Variants in CNTNAP2 observed in about 807,000 individuals in gnomAD.
The protein encoded by CNTNAP2 is contactin associated protein 2.
A neutral mutation model predicts 155.2 loss-of-function variants in CNTNAP2; 98 were observed. That is an observed-to-expected ratio of 0.63 (90% confidence interval 0.54 to 0.75). CNTNAP2 has a LOEUF of 0.75. Ranked by LOEUF, CNTNAP2 falls within the 30% of genes least tolerant of loss-of-function variation. The pLI is 0.00. For missense variants in CNTNAP2, 1,727 were observed against 1,688.1 expected, an observed-to-expected ratio of 1.02 and a Z score of -0.40; for synonymous variants, 651 against 631.2, an observed-to-expected ratio of 1.03 and a Z score of -0.47.
chr7:147,927,571 G>A (rs550352244), intron 14 of CNTNAP2, among the ~76,000 whole-genome samples: 289 of 152,250 alleles, frequency 1.9e-3, no homozygotes, highest in African/African-American at 6.7e-3. Flanking sequence ...CTAGTAAATT[G>A]ACCAATATCT....
chr7:146,588,532 A>T lies in CNTNAP2; in HGVS notation c.98-185739A>T, dbSNP rs200550503. ...TTATTATATGTATTTTTTTTTTTTT[A>T]AATTTACTCTGTCAATCAGGCTGAG... On this transcript the variant is annotated intron_variant, in intron 1 of 23. Transcript: ENST00000361727. Among the ~76,000 whole-genome samples the T allele has an allele frequency of 2.5e-4, 23 of 92,960 alleles. No homozygotes were observed. In the South Asian group the frequency reaches 2.5e-3, roughly 10 times the overall value. 61.0% of individuals were successfully genotyped at this position (92,960 alleles called of 152,430 possible). A position where few individuals can be genotyped will look rare whatever the true frequency, so the allele number is the denominator to read the frequency against.
chr7:146,865,429 T>C (rs2129206127), intron 3 of CNTNAP2, among the ~76,000 whole-genome samples: 1 of 152,254 alleles, frequency 6.6e-6, no homozygotes, highest in East Asian at 1.9e-4. Context: ...ATAAAGATAG[T>C]CTTGTATAGC....
intron 9 of CNTNAP2, among the ~76,000 whole-genome samples, chr7:147,371,897 G>T (rs1351830324): frequency 6.6e-6 from 1 of 152,048 alleles, no homozygotes; most frequent in Non-Finnish European, 1.5e-5. Flanking sequence ...TGGAGGAAAT[G>T]GACAATGGTA....
chr7:146,964,482 T>A (rs1200412567), intron 3 of CNTNAP2, among the ~76,000 whole-genome samples: 1 of 152,194 alleles, frequency 6.6e-6, no homozygotes, highest in Non-Finnish European at 1.5e-5. Flanking sequence ...GATCAATTTG[T>A]TAGCTGCAGT....
chr7:146,716,009 G>A (rs749942684), intron 1 of CNTNAP2, among the ~76,000 whole-genome samples: 5 of 151,968 alleles, frequency 3.3e-5, no homozygotes, highest in South Asian at 4.1e-4. Flanking sequence ...ATGAGCAGCC[G>A]CCATAGGTCA....
rs71527797 is a variant in CNTNAP2, at chr7:146,721,889, A to ATTTTTTTTTTTTT, written c.98-52377_98-52365dup. Reference sequence around the variant, plus strand: ...TGTGTGTGTGTGTATATATATATATATTTTTTTTTTTTTTTTTGAGATGGA... The same window carrying ATTTTTTTTTTTTT: ...TGTGTGTGTGTGTATATATATATATATTTTTTTTTTTTTTTTTTTTTTTTTTTTTTGAGATGGA... On this transcript the variant is annotated intron_variant, in intron 1 of 23. Coordinates refer to ENST00000361727, the MANE Select transcript of CNTNAP2 (RefSeq NM_014141.6). Among the ~76,000 whole-genome samples, 30 of 69,698 alleles carry ATTTTTTTTTTTTT rather than the reference A, an allele frequency of 4.3e-4. 1 individual carries two copies. The highest frequency in any genetic ancestry group is 1.9e-3 in the South Asian group (6 of 3,104). The allele number at this position is 69,698 out of a possible 152,430, so 45.7% of individuals were successfully genotyped here.
chr7:147,632,393 G>A (rs1795102130), intron 12 of CNTNAP2, among the ~76,000 whole-genome samples: 1 of 152,110 alleles, frequency 6.6e-6, no homozygotes, highest in Admixed American at 6.5e-5. Context: ...ATTGGATAAT[G>A]GGGGTGGTTT....
chr7:146,591,725 T>G (rs2129149603), intron 1 of CNTNAP2, among the ~76,000 whole-genome samples: 1 of 152,158 alleles, frequency 6.6e-6, no homozygotes, highest in South Asian at 2.1e-4. Flanking sequence ...TTTATCTTCT[T>G]TGTGTCCATC....
chr7:146,326,354 G>A (rs1801097887), intron 1 of CNTNAP2, among the ~76,000 whole-genome samples: 1 of 152,118 alleles, frequency 6.6e-6, no homozygotes, highest in South Asian at 2.1e-4. Flanking sequence ...ACGAATTAAT[G>A]CATTTCAAAG....
intron 1 of CNTNAP2, among the ~76,000 whole-genome samples, chr7:146,631,505 A>G (rs1209340074): frequency 6.6e-6 from 1 of 152,130 alleles, no homozygotes; most frequent in African/African-American, 2.4e-5. Context: ...ATCCTCTTCC[A>G]TGTGAGAGCC....
intron 10 of CNTNAP2, among the ~76,000 whole-genome samples, chr7:147,404,663 T>C (rs1796974456): frequency 6.6e-6 from 1 of 152,224 alleles, no homozygotes; most frequent in African/African-American, 2.4e-5. Context: ...CCTTCCATGC[T>C]AACTCCAGTC....
chr7:148,256,140 T>C (rs551816637), intron 20 of CNTNAP2, among the ~76,000 whole-genome samples: 261 of 152,246 alleles, frequency 1.7e-3, no homozygotes, highest in African/African-American at 5.5e-3. Context: ...GATCTCAAAA[T>C]GGAAAGTGAG....
chr7:146,653,923 C>T (rs1039823594), intron 1 of CNTNAP2, among the ~76,000 whole-genome samples: 1 of 152,062 alleles, frequency 6.6e-6, no homozygotes, highest in Non-Finnish European at 1.5e-5. Context: ...TTTCCTTGGA[C>T]TCTTTAGTGC....
At chr7:147,808,720 C>T (rs1199777014) in intron 13 of CNTNAP2, among the ~76,000 whole-genome samples, 2 of 152,198 alleles carry the variant, frequency 1.3e-5, no homozygotes, top group Admixed American at 1.3e-4. Context: ...GAAATTCCTT[C>T]TCATCCTTTA....
At chr7:147,330,814 C>T (rs559568754) in intron 9 of CNTNAP2, among the ~76,000 whole-genome samples, 2 of 152,138 alleles carry the variant, frequency 1.3e-5, no homozygotes, top group African/African-American at 2.4e-5. Context: ...TTAGAGGGAT[C>T]GTTATTTTCC....
At chr7:147,720,721 C>T (rs144620481) in intron 13 of CNTNAP2, among the ~76,000 whole-genome samples, 206 of 152,194 alleles carry the variant, frequency 1.4e-3, no homozygotes, top group Non-Finnish European at 1.7e-3. Flanking sequence ...TGCCGCCTTG[C>T]GAAGAAAGTA....
intron 13 of CNTNAP2, among the ~76,000 whole-genome samples, chr7:147,689,972 G>T (rs1272329677): frequency 6.6e-6 from 1 of 150,504 alleles, no homozygotes; most frequent in African/African-American, 2.5e-5. Flanking sequence ...AGATTGTGTG[G>T]CTTGAGGAAC....
At chr7:147,206,263 T>TA (rs36073630) in intron 8 of CNTNAP2, among the ~76,000 whole-genome samples, 60,154 of 138,950 alleles carry the variant, frequency 0.43, 12,917 homozygotes, top group East Asian at 0.61. Context: ...TAAACCTGTA[T>TA]AAAAAAAAAA....
In CNTNAP2 at chr7:146,615,655, A is replaced by G. The variant is rs75480215; in HGVS notation, c.98-158616A>G. Among the ~76,000 whole-genome samples, 88 of 152,300 alleles carry G rather than the reference A, an allele frequency of 5.8e-4. 1 individual carries two copies. In the East Asian group the frequency reaches 0.016, roughly 27 times the overall value. On this transcript the variant is annotated intron_variant, in intron 1 of 23. Transcript: ENST00000361727. Reference sequence around the variant, plus strand: ...TTTTCTGGCCAAGGTGTCTGGCTCAACTGAAGGGCAAATGGAAATGCATGC... The same window carrying G: ...TTTTCTGGCCAAGGTGTCTGGCTCAGCTGAAGGGCAAATGGAAATGCATGC...
Sources: allele counts gnomAD v4.1 joint callset (sites outside exome capture counted in the v4.1 genomes callset), GRCh38; gene constraint gnomAD v4.1.1; transcripts MANE v1.5; gene names NCBI Gene and HGNC (gene_info 2026-07-23, HGNC 2026-07-21).